Variants in ITFG1 observed in about 807,000 individuals in gnomAD.
The protein encoded by ITFG1 is T-cell immunomodulatory protein.
Under a neutral mutation model 81.8 loss-of-function variants are expected in ITFG1, and 34 were observed. The ratio of observed to expected loss-of-function variants is 0.42; its 90% CI spans 0.32 to 0.55. The LOEUF (loss-of-function observed/expected upper bound fraction) is 0.55, where lower values mean the gene tolerates loss of function less well. Ranked by LOEUF, ITFG1 falls within the 20% of genes least tolerant of loss-of-function variation. The pLI, the probability that ITFG1 is intolerant of heterozygous loss-of-function variation, is 0.17. For synonymous variants in ITFG1, 285 were observed against 270.6 expected (o/e 1.05, Z -0.52); for missense variants, 672 against 755.4 (o/e 0.89, Z 1.29).
intron 14 of ITFG1, among the ~76,000 whole-genome samples, chr16:47,193,220 AAT>A (rs1491507727): frequency 6.6e-6 from 1 of 151,190 alleles, no homozygotes; most frequent in African/African-American, 2.4e-5. Context: ...TTATTAAAAA[AAT>A]TTTTTTTTTT....
At chr16:47,296,480 G>A (rs1331549875) in intron 10 of ITFG1, among the ~76,000 whole-genome samples, 1 of 152,116 alleles carries the variant, frequency 6.6e-6, no homozygotes, top group Non-Finnish European at 1.5e-5. Flanking sequence ...CTGTCGCCCA[G>A]GCTGGAGTGC....
intron 6 of ITFG1, among the ~76,000 whole-genome samples, chr16:47,389,867 GGAGTA>G (rs1968508920): frequency 6.6e-6 from 1 of 152,172 alleles, no homozygotes; most frequent in African/African-American, 2.4e-5. Context: ...CAGTAACGTA[GGAGTA>G]GAGGACCAAA....
intron 8 of ITFG1, among the ~76,000 whole-genome samples, chr16:47,316,883 T>C (rs867132056): frequency 3.3e-5 from 5 of 152,332 alleles, no homozygotes; most frequent in African/African-American, 9.6e-5. Context: ...AAGAAGGGCA[T>C]GCTGATGGAG....
At chr16:47,390,879 T>C (rs1229673017) in intron 6 of ITFG1, among the ~76,000 whole-genome samples, 6 of 152,222 alleles carry the variant, frequency 3.9e-5, no homozygotes, top group Admixed American at 3.9e-4. Context: ...TAACTGCATA[T>C]AATACATTAT....
At chr16:47,226,161 T>G (rs1965754685) in intron 13 of ITFG1, among the ~76,000 whole-genome samples, 1 of 152,246 alleles carries the variant, frequency 6.6e-6, no homozygotes, top group Non-Finnish European at 1.5e-5. Flanking sequence ...AGATTGTTTC[T>G]AAGTTACGAT....
intron 14 of ITFG1, among the ~76,000 whole-genome samples, chr16:47,205,768 C>A (rs1442869529): frequency 6.6e-6 from 1 of 152,104 alleles, no homozygotes; most frequent in Non-Finnish European, 1.5e-5. Flanking sequence ...AACCAGTGTG[C>A]AATTCAGTTT....
intron 14 of ITFG1, among the ~76,000 whole-genome samples, chr16:47,176,971 T>A (rs954230670): frequency 1.2e-4 from 18 of 150,496 alleles, no homozygotes; most frequent in African/African-American, 3.4e-4. Context: ...TTTTTTTTTT[T>A]AAACAGAGAT....
At chr16:47,431,440 G>A (rs1360407953) in intron 5 of ITFG1, among the ~76,000 whole-genome samples, 1 of 152,160 alleles carries the variant, frequency 6.6e-6, no homozygotes, top group Non-Finnish European at 1.5e-5. Context: ...ATCTGAGGTG[G>A]AACAATTTTA....
intron 14 of ITFG1, among the ~76,000 whole-genome samples, chr16:47,180,653 G>T (rs903574081): frequency 6.6e-6 from 1 of 152,168 alleles, no homozygotes; most frequent in African/African-American, 2.4e-5. Flanking sequence ...CCGAGGTGCC[G>T]GGATTGCAGA....
At chr16:47,418,759 C>T (rs1482962293) in intron 6 of ITFG1, among the ~76,000 whole-genome samples, 2 of 151,988 alleles carry the variant, frequency 1.3e-5, no homozygotes, top group Non-Finnish European at 2.9e-5. Flanking sequence ...TATACTAGTT[C>T]TATGTTGTTT....
intron 14 of ITFG1, among the ~76,000 whole-genome samples, chr16:47,188,962 G>T (rs905359090): frequency 1.3e-5 from 2 of 151,938 alleles, no homozygotes; most frequent in African/African-American, 4.8e-5. Flanking sequence ...GCAGGGTTTT[G>T]CCATGTTGGC....
chr16:47,359,750 C>T (rs1283882677), intron 8 of ITFG1, among the ~76,000 whole-genome samples: 2 of 152,236 alleles, frequency 1.3e-5, no homozygotes, highest in African/African-American at 2.4e-5. Context: ...CTGCATGGAG[C>T]ATTTTCCCCA....
chr16:47,297,890 G>C (rs1349533354), intron 10 of ITFG1, among the ~76,000 whole-genome samples: 5 of 152,036 alleles, frequency 3.3e-5, no homozygotes, highest in Non-Finnish European at 7.4e-5. Flanking sequence ...TGCAAGACTA[G>C]GGAAATTTTA....
At chr16:47,156,993 C>CGGAA (rs1964721025) in intron 17 of ITFG1, among the ~76,000 whole-genome samples, 1 of 151,850 alleles carries the variant, frequency 6.6e-6, no homozygotes, top group Non-Finnish European at 1.5e-5. Flanking sequence ...GGGGAGAGAA[C>CGGAA]GGAAAGAAAG....
intron 8 of ITFG1, among the ~76,000 whole-genome samples, chr16:47,339,547 A>C (rs1165730803): frequency 6.6e-6 from 1 of 152,230 alleles, no homozygotes; most frequent in Non-Finnish European, 1.5e-5. Context: ...AACCAAACAG[A>C]TACTCTGGAC....
intron 6 of ITFG1, among the ~76,000 whole-genome samples, chr16:47,400,172 C>T (rs899023458): frequency 1.3e-5 from 2 of 152,176 alleles, no homozygotes; most frequent in African/African-American, 4.8e-5. Context: ...CATGAGGCTC[C>T]ACTGTCTTTC....
intron 7 of ITFG1, among the ~76,000 whole-genome samples, chr16:47,371,005 T>G (rs1464529200): frequency 6.6e-6 from 1 of 152,236 alleles, no homozygotes; most frequent in African/African-American, 2.4e-5. Flanking sequence ...ATCCTTTGAC[T>G]GCAGCATTTC....
rs1421948074 is a variant in ITFG1, at chr16:47,238,346, G to A, written c.1331-338C>T. On this transcript the variant is annotated intron_variant, in intron 12 of 17. Coordinates refer to ENST00000320640, the MANE Select transcript of ITFG1 (RefSeq NM_030790.5). ...AGGATGACTTAGATTCTGACAGAGGGGTGCCAAATGAGAACCAACTAAAAT... is the reference window on the plus strand; with the variant it reads ...AGGATGACTTAGATTCTGACAGAGGAGTGCCAAATGAGAACCAACTAAAAT... 22 of 171,752 alleles carry A rather than the reference G, an allele frequency of 1.3e-4. No homozygotes were observed. In the Admixed American group the frequency reaches 1.3e-3, roughly 10 times the overall value. The allele number at this position is 171,752 out of a possible 1,614,324, so 10.6% of individuals were successfully genotyped here.
At chr16:47,385,193 A>G (rs958535194) in intron 6 of ITFG1, among the ~76,000 whole-genome samples, 2 of 152,370 alleles carry the variant, frequency 1.3e-5, no homozygotes, top group South Asian at 2.1e-4. Context: ...TATGTTTGAA[A>G]TAAGTTAAAA....
Sources: gnomAD v4.1 joint callset for allele counts (sites outside exome capture counted in the v4.1 genomes callset) on GRCh38, gnomAD v4.1.1 for gene constraint, MANE v1.5 for transcripts, NCBI Gene and HGNC (gene_info 2026-07-23, HGNC 2026-07-21) for gene names.